TMEM132D: variants seen among roughly 807,000 people sequenced by gnomAD.
TMEM132D encodes mature OL transmembrane protein.
Under a neutral mutation model 62.3 loss-of-function variants are expected in TMEM132D, and 21 were observed. The observed-to-expected ratio is 0.34, with a 90% CI of 0.24 to 0.49. The LOEUF is 0.49. Ranked by LOEUF, TMEM132D falls within the 20% of genes least tolerant of loss-of-function variation. The probability of loss-of-function intolerance (pLI) is 0.99; values close to 1 mark genes in which losing one functional copy is unlikely to be tolerated. For missense variants in TMEM132D, 1,346 were observed against 1,402.8 expected, an observed-to-expected ratio of 0.96 and a Z score of 0.65; for synonymous variants, 621 against 575.6, an observed-to-expected ratio of 1.08 and a Z score of -1.13.
intron 1 of TMEM132D, among the ~76,000 whole-genome samples, chr12:129,818,756 C>CG (rs1330102143): frequency 6.6e-6 from 1 of 151,978 alleles, no homozygotes; most frequent in African/African-American, 2.4e-5. Flanking sequence ...TAGAACGTGC[C>CG]GGGGGTGGTA....
intron 3 of TMEM132D, among the ~76,000 whole-genome samples, chr12:129,490,690 T>A (rs1397519070): frequency 6.8e-6 from 1 of 146,928 alleles, no homozygotes; most frequent in Non-Finnish European, 1.5e-5. Flanking sequence ...CCTGACCTCG[T>A]GATCTGTCAG....
chr12:129,098,819 A>G (rs1875196665), intron 5 of TMEM132D, among the ~76,000 whole-genome samples: 1 of 152,188 alleles, frequency 6.6e-6, no homozygotes, highest in South Asian at 2.1e-4. Context: ...ATCTCAAAAT[A>G]TGTTCCCTTG....
chr12:129,789,081 A>G (rs1448695867), intron 1 of TMEM132D, among the ~76,000 whole-genome samples: 2 of 152,194 alleles, frequency 1.3e-5, no homozygotes, highest in African/African-American at 4.8e-5. Context: ...TTTTATTTCA[A>G]TAGTTTTCAG....
At chr12:129,336,674 G>A (rs1382202124) in intron 4 of TMEM132D, among the ~76,000 whole-genome samples, 1 of 152,172 alleles carries the variant, frequency 6.6e-6, no homozygotes, top group African/African-American at 2.4e-5. Flanking sequence ...GGCTCTTGTG[G>A]GACTGAGGAC....
Position 129,081,887 on chromosome 12 carries a change from C to T in TMEM132D, c.1795G>A (p.Gly599Ser), listed in dbSNP as rs765964950. The stretch of plus-strand genomic sequence containing the variant: ...GTGATGTCCACTTGCCAGTCTGAGC[C>T]CAGCAGGTGGGCCAGGTGTCCCCCA... The part of the protein sequence containing the change: ...GPGGHLAHLL[G>S]SDWQVDITEL... Residue 599 changes from glycine (G) to serine (S), a missense_variant, in exon 7 of 9, where the codon GGC becomes AGC. Gly to Ser is a moderately conservative substitution (Grantham distance 56). Transcript: ENST00000422113. 6.2e-7 allele frequency: 1 copy of T among 1,614,060 alleles called. No homozygotes were observed. Among genetic ancestry groups the T allele is most frequent in the Non-Finnish European group, 8.5e-7 (1 of 1,180,034 alleles).
intron 3 of TMEM132D, among the ~76,000 whole-genome samples, chr12:129,401,292 C>A (rs890786118): frequency 1.3e-5 from 2 of 152,198 alleles, no homozygotes; most frequent in Non-Finnish European, 2.9e-5. Context: ...AAGGACAGGG[C>A]ATGGTGGCTC....
intron 1 of TMEM132D, among the ~76,000 whole-genome samples, chr12:129,793,663 G>C (rs1010078791): frequency 6.6e-6 from 1 of 152,230 alleles, no homozygotes; most frequent in Non-Finnish European, 1.5e-5. Context: ...ATCACACCTA[G>C]CCAGGATAGG....
chr12:129,377,052 G>C (rs1222683484), intron 3 of TMEM132D, among the ~76,000 whole-genome samples: 2 of 152,182 alleles, frequency 1.3e-5, no homozygotes, highest in African/African-American at 4.8e-5. Context: ...ATGAATTCCT[G>C]TTTTAGCAAA....
rs1874094440 is a variant in TMEM132D, at chr12:129,072,268, A to AG, written c.*1606dup. The AG allele has an allele frequency of 6.6e-6, 1 of 152,494 alleles. No individual in the cohort carries two copies. The highest frequency in any genetic ancestry group is 1.9e-4 in the East Asian group (1 of 5,194). The allele number at this position is 152,494 out of a possible 1,614,324, so 9.4% of individuals were successfully genotyped here. ...GCAGAGAGAGAGAGAAAATGACCAG[A>AG]GGGAAAAATAGAAGATCAATTCAAC... is the stretch of plus-strand genomic sequence containing the variant. On this transcript the variant is annotated 3_prime_UTR_variant, in exon 9 of 9. Coordinates refer to ENST00000422113, the MANE Select transcript of TMEM132D (RefSeq NM_133448.3).
intron 1 of TMEM132D, among the ~76,000 whole-genome samples, chr12:129,749,394 G>T (rs1383826637): frequency 1.3e-5 from 2 of 152,134 alleles, no homozygotes; most frequent in Admixed American, 1.3e-4. Context: ...ATTAATCAGA[G>T]GTGTCTCTTC....
At chr12:129,197,077 G>A (rs1379788872) in intron 5 of TMEM132D, among the ~76,000 whole-genome samples, 1 of 152,138 alleles carries the variant, frequency 6.6e-6, no homozygotes, top group Non-Finnish European at 1.5e-5. Flanking sequence ...CAGGCCATAT[G>A]ATTTCTCTCA....
chr12:129,647,243 G>GTTTTTTTT (rs57450911), intron 2 of TMEM132D, among the ~76,000 whole-genome samples: 3 of 117,592 alleles, frequency 2.6e-5, no homozygotes, highest in South Asian at 2.9e-4. Context: ...TTGTTTTTCT[G>GTTTTTTTT]TTTTTTTTTT....
At chr12:129,719,725 G>C (rs569036251) in intron 1 of TMEM132D, among the ~76,000 whole-genome samples, 5 of 152,326 alleles carry the variant, frequency 3.3e-5, no homozygotes, top group African/African-American at 1.2e-4. Flanking sequence ...CTTCAGCTCC[G>C]CAGTGAAGCA....
At chr12:129,791,529 C>G (rs976325144) in intron 1 of TMEM132D, among the ~76,000 whole-genome samples, 1 of 152,040 alleles carries the variant, frequency 6.6e-6, no homozygotes, top group Admixed American at 6.6e-5. Context: ...ATTTTAAATG[C>G]CTTAAAAAGC....
chr12:129,549,198 G>A (rs772840956), intron 2 of TMEM132D, among the ~76,000 whole-genome samples: 7 of 151,376 alleles, frequency 4.6e-5, no homozygotes, highest in African/African-American at 1.7e-4. Flanking sequence ...AGTCTCATGG[G>A]ATCTGATGGT....
intron 3 of TMEM132D, among the ~76,000 whole-genome samples, chr12:129,421,111 G>T (rs574562062): frequency 6.6e-6 from 1 of 151,774 alleles, no homozygotes; most frequent in Non-Finnish European, 1.5e-5. Context: ...ACAAGCTCCC[G>T]CCATCACACC....
chr12:129,872,744 G>A (rs1177484974), intron 1 of TMEM132D, among the ~76,000 whole-genome samples: 1 of 152,118 alleles, frequency 6.6e-6, no homozygotes, highest in Non-Finnish European at 1.5e-5. Context: ...CAAGGTTCTG[G>A]GTTAAATGGC....
intron 2 of TMEM132D, among the ~76,000 whole-genome samples, chr12:129,688,300 AC>A (rs528183588): frequency 6.8e-4 from 104 of 152,314 alleles, no homozygotes; most frequent in African/African-American, 2.4e-3. Context: ...GCTTATCTCC[AC>A]AATAATGAGT....
chr12:129,147,610 G>T (rs985879975), intron 5 of TMEM132D, among the ~76,000 whole-genome samples: 19 of 152,192 alleles, frequency 1.2e-4, no homozygotes, highest in African/African-American at 4.6e-4. Flanking sequence ...GCCTTGGATT[G>T]GGTGCTGTGT....
Sources: gnomAD v4.1 joint callset for allele counts (sites outside exome capture counted in the v4.1 genomes callset) on GRCh38, gnomAD v4.1.1 for gene constraint, MANE v1.5 for transcripts, NCBI Gene and HGNC (gene_info 2026-07-23, HGNC 2026-07-21) for gene names.